CSMD3: variants seen among roughly 807,000 people sequenced by gnomAD.
CSMD3 encodes CUB and Sushi multiple domains 3.
A neutral mutation model predicts 435.2 loss-of-function variants in CSMD3; 177 were observed. The observed-to-expected ratio is 0.41, with a 90% CI of 0.36 to 0.46. The LOEUF (loss-of-function observed/expected upper bound fraction) is 0.46. Among genes scored for constraint, CSMD3 ranks in the 20% least tolerant of loss-of-function variants. The pLI, the probability that CSMD3 is intolerant of heterozygous loss-of-function variation, is 0.34. For missense variants in CSMD3, 4,265 were observed against 4,504.6 expected (o/e 0.95, Z 1.52); for synonymous variants, 1,656 against 1,520.5 (o/e 1.09, Z -2.07).
intron 4 of CSMD3, among the ~76,000 whole-genome samples, chr8:113,135,208 C>A (rs2091386487): frequency 6.6e-6 from 1 of 151,830 alleles, no homozygotes; most frequent in Admixed American, 6.6e-5. Flanking sequence ...AATTTCCACA[C>A]TAACTTGTTA....
intron 4 of CSMD3, among the ~76,000 whole-genome samples, chr8:113,144,138 GC>G (rs928462164): frequency 4.0e-5 from 6 of 150,166 alleles, no homozygotes; most frequent in African/African-American, 1.5e-4. Flanking sequence ...TTATAAACCT[GC>G]CAATATTAGA....
At chr8:112,740,876 G>T (rs1446554796) in intron 13 of CSMD3, among the ~76,000 whole-genome samples, 1 of 151,898 alleles carries the variant, frequency 6.6e-6, no homozygotes, top group African/African-American at 2.4e-5. Flanking sequence ...GAGTATTTCT[G>T]CATGTTTGGC....
At chr8:113,419,548 A>G (rs903907474) in intron 1 of CSMD3, among the ~76,000 whole-genome samples, 10 of 152,154 alleles carry the variant, frequency 6.6e-5, no homozygotes, top group Non-Finnish European at 1.3e-4. Flanking sequence ...AGAAAGGGCT[A>G]TTGATAAAAA....
intron 28 of CSMD3, among the ~76,000 whole-genome samples, chr8:112,510,125 A>C (rs527996955): frequency 6.6e-6 from 1 of 152,192 alleles, no homozygotes; most frequent in East Asian, 1.9e-4. Context: ...AGCTATTTTC[A>C]ACCGGTCCTT....
intron 1 of CSMD3, among the ~76,000 whole-genome samples, chr8:113,347,436 G>C (rs1003412660): frequency 6.6e-6 from 1 of 152,106 alleles, no homozygotes; most frequent in Non-Finnish European, 1.5e-5. Flanking sequence ...GTGAAAATCA[G>C]GCGGTTTTGT....
At chr8:113,193,694 T>C (rs2092616265) in intron 3 of CSMD3, among the ~76,000 whole-genome samples, 1 of 151,440 alleles carries the variant, frequency 6.6e-6, no homozygotes, top group Non-Finnish European at 1.5e-5. Context: ...ATCTATGACT[T>C]ACACATTCAT....
chr8:113,345,081 A>G (rs1170272474), intron 1 of CSMD3, among the ~76,000 whole-genome samples: 1 of 152,126 alleles, frequency 6.6e-6, no homozygotes, highest in Non-Finnish European at 1.5e-5. Flanking sequence ...TTTAAAAACA[A>G]TGCATATAAA....
intron 4 of CSMD3, among the ~76,000 whole-genome samples, chr8:113,148,920 A>G (rs1454232185): frequency 1.3e-5 from 2 of 151,816 alleles, no homozygotes; most frequent in Admixed American, 6.6e-5. Context: ...AGGTATAATC[A>G]GTATATACAT....
rs569210463 is a variant in CSMD3, at chr8:112,291,747, C to G, written c.8789-52G>C. 7.0e-6 allele frequency: 8 copies of G among 1,137,842 alleles called. No homozygotes were observed. The East Asian group carries it at 1.9e-4, about 27-fold the overall frequency. The allele number at this position is 1,137,842 out of a possible 1,614,324, so 70.5% of individuals were successfully genotyped here. ...TATGTTTGGAATAATATACATATAC[C>G]TATATAGATTTATATTAGAAATGTA... On this transcript the variant is annotated intron_variant, in intron 55 of 70. Coordinates refer to ENST00000297405, the MANE Select transcript of CSMD3 (RefSeq NM_198123.2).
At chr8:112,695,707 A>G (rs991212333) in intron 13 of CSMD3, among the ~76,000 whole-genome samples, 1 of 152,198 alleles carries the variant, frequency 6.6e-6, no homozygotes, top group Non-Finnish European at 1.5e-5. Flanking sequence ...TTCCTATTCA[A>G]CATAGTGTTG....
chr8:112,709,355 C>G (rs532064278), intron 13 of CSMD3, among the ~76,000 whole-genome samples: 21 of 152,088 alleles, frequency 1.4e-4, no homozygotes, highest in Admixed American at 2.6e-4. Context: ...TTTGACCCCG[C>G]GGCCATCTGT....
intron 24 of CSMD3, among the ~76,000 whole-genome samples, chr8:112,567,131 T>G (rs1829122744): frequency 6.6e-6 from 1 of 152,184 alleles, no homozygotes; most frequent in Admixed American, 6.6e-5. Context: ...TCATTTTGTC[T>G]CATTCTCCTT....
At chr8:112,893,981 AT>A (rs2081877583) in intron 10 of CSMD3, among the ~76,000 whole-genome samples, 1 of 151,432 alleles carries the variant, frequency 6.6e-6, no homozygotes, top group Non-Finnish European at 1.5e-5. Flanking sequence ...TTGTAACTTG[AT>A]AAAATAAATA....
chr8:113,063,210 A>G (rs986121001), intron 5 of CSMD3, among the ~76,000 whole-genome samples: 1 of 151,632 alleles, frequency 6.6e-6, no homozygotes, highest in Non-Finnish European at 1.5e-5. Flanking sequence ...TACCATTCAC[A>G]GTGATAGAAT....
At chr8:112,401,149 C>T (rs1831303891) in intron 35 of CSMD3, among the ~76,000 whole-genome samples, 1 of 152,036 alleles carries the variant, frequency 6.6e-6, no homozygotes, top group Admixed American at 6.6e-5. Flanking sequence ...GCAGAGGTTG[C>T]AGGAGATCGC....
chr8:113,106,849 T>A lies in CSMD3; in HGVS notation c.710-7886A>T, dbSNP rs201481106. ...CACATTCTTTATTCTCTTTCTTTTTTTTTCTGTTTTTGTAAAATAGCTTTA... is the reference window on the plus strand; with the variant it reads ...CACATTCTTTATTCTCTTTCTTTTTATTTCTGTTTTTGTAAAATAGCTTTA... On this transcript the variant is annotated intron_variant, in intron 4 of 70. Coordinates refer to ENST00000297405, the MANE Select transcript of CSMD3 (RefSeq NM_198123.2). 1.6e-4 allele frequency among the ~76,000 whole-genome samples: 24 copies of A among 148,408 alleles called. No individual in the cohort carries two copies. The East Asian group carries it at 4.1e-3, about 25-fold the overall frequency.
intron 6 of CSMD3, among the ~76,000 whole-genome samples, chr8:113,017,023 T>A (rs917704926): frequency 2.6e-5 from 4 of 151,982 alleles, no homozygotes; most frequent in African/African-American, 7.2e-5. Flanking sequence ...CATATTTTTA[T>A]AATAAAACTT....
intron 3 of CSMD3, among the ~76,000 whole-genome samples, chr8:113,177,213 T>A (rs1427228330): frequency 6.6e-6 from 1 of 150,984 alleles, no homozygotes; most frequent in East Asian, 2.0e-4. Context: ...AAAAGCAGAG[T>A]TGCAAAATAT....
intron 30 of CSMD3, among the ~76,000 whole-genome samples, chr8:112,500,345 T>A (rs551873567): frequency 1.2e-4 from 18 of 152,218 alleles, no homozygotes; most frequent in Admixed American, 2.0e-4. Flanking sequence ...TTTTTTAAAA[T>A]CTAAGATAAA....
Sources: gnomAD v4.1 joint callset for allele counts (sites outside exome capture counted in the v4.1 genomes callset) on GRCh38, gnomAD v4.1.1 for gene constraint, MANE v1.5 for transcripts, NCBI Gene and HGNC (gene_info 2026-07-23, HGNC 2026-07-21) for gene names.